GPC6: variants seen among roughly 807,000 people sequenced by gnomAD.
GPC6 encodes the protein glypican-6.
GPC6 carries 14 observed loss-of-function variants against 55.2 expected under a neutral mutation model. The observed-to-expected ratio is 0.25, with a 90% confidence interval of 0.17 to 0.40. The LOEUF (loss-of-function observed/expected upper bound fraction) is 0.40, where lower values mean the gene tolerates loss of function less well. GPC6 is among the 10% of genes least tolerant of loss of function. The pLI is 1.00. For synonymous variants in GPC6, 278 were observed against 259.6 expected (o/e 1.07, Z -0.68); for missense variants, 641 against 708.5 (o/e 0.90, Z 1.08).
At chr13:93,325,172 CATT>C (rs1377944348) in intron 1 of GPC6, among the ~76,000 whole-genome samples, 1 of 152,082 alleles carries the variant, frequency 6.6e-6, no homozygotes, top group African/African-American at 2.4e-5. Context: ...GGATTTGTAT[CATT>C]ATAATTTCTA....
chr13:93,481,639 A>ATT (rs71202585), intron 1 of GPC6, among the ~76,000 whole-genome samples: 38 of 150,184 alleles, frequency 2.5e-4, no homozygotes, highest in East Asian at 7.8e-4. Context: ...ATCCAGCTTC[A>ATT]TTTTTTTTTT....
chr13:93,439,469 A>G (rs1027736298), intron 1 of GPC6, among the ~76,000 whole-genome samples: 20 of 152,076 alleles, frequency 1.3e-4, no homozygotes, highest in African/African-American at 4.8e-4. Context: ...GCCACCATGT[A>G]AGACATTCCT....
At chr13:93,952,912 T>C (rs1199473160) in intron 3 of GPC6, among the ~76,000 whole-genome samples, 2 of 149,244 alleles carry the variant, frequency 1.3e-5, no homozygotes, top group African/African-American at 4.9e-5. Context: ...TATATATGTA[T>C]ATATATACAC....
At chr13:93,928,065 T>A (rs1027068431) in intron 3 of GPC6, among the ~76,000 whole-genome samples, 2 of 152,116 alleles carry the variant, frequency 1.3e-5, no homozygotes, top group African/African-American at 4.8e-5. Context: ...TGCACACTCT[T>A]ATACTTAAAA....
rs1887633880 is a variant in GPC6 at position 94,148,497 on chromosome 13, C to G, written c.877+120603C>G. Among the ~76,000 whole-genome samples, 11 of 152,090 alleles carry G rather than the reference C, an allele frequency of 7.2e-5. 1 individual carries two copies. In the South Asian group the frequency reaches 2.3e-3, roughly 32 times the overall value. Reference sequence around the variant, plus strand: ...AATAAGTTGATTCAGCTAATAGATTCAATGGAAATATAAGATATTATTTTG... The same window carrying G: ...AATAAGTTGATTCAGCTAATAGATTGAATGGAAATATAAGATATTATTTTG... On this transcript the variant is annotated intron_variant, in intron 4 of 8. Transcript: ENST00000377047.
chr13:94,387,402 G>A (rs1010939837), intron 7 of GPC6, among the ~76,000 whole-genome samples: 1 of 152,184 alleles, frequency 6.6e-6, no homozygotes, highest in Non-Finnish European at 1.5e-5. Context: ...TAAACAAAGT[G>A]GTTAAGGGAA....
At chr13:93,238,171 A>C (rs888503815) in intron 1 of GPC6, among the ~76,000 whole-genome samples, 2 of 152,198 alleles carry the variant, frequency 1.3e-5, no homozygotes, top group African/African-American at 4.8e-5. Context: ...GGTCATTTTC[A>C]CAGTATTGAT....
chr13:93,972,206 T>G (rs1240668587), intron 3 of GPC6, among the ~76,000 whole-genome samples: 1 of 152,200 alleles, frequency 6.6e-6, no homozygotes, highest in African/African-American at 2.4e-5. Context: ...CAAGATTTGT[T>G]TGCTATCCGC....
chr13:94,243,678 AG>A (rs1212460165), intron 4 of GPC6, among the ~76,000 whole-genome samples: 1 of 152,136 alleles, frequency 6.6e-6, no homozygotes, highest in Non-Finnish European at 1.5e-5. Context: ...AAATCAAAGC[AG>A]GCAGAAGAAT....
intron 2 of GPC6, among the ~76,000 whole-genome samples, chr13:93,717,189 C>T (rs887485881): frequency 6.6e-6 from 1 of 151,016 alleles, no homozygotes; most frequent in Non-Finnish European, 1.5e-5. Context: ...TGCTTAAGAC[C>T]AGAAAAAAAA....
chr13:94,018,543 G>A (rs923836062), intron 3 of GPC6, among the ~76,000 whole-genome samples: 9 of 152,020 alleles, frequency 5.9e-5, no homozygotes, highest in Admixed American at 4.6e-4. Context: ...CTGCTGCCTC[G>A]GCCTCCCAAA....
At chr13:93,439,279 C>T (rs1877687363) in intron 1 of GPC6, among the ~76,000 whole-genome samples, 1 of 152,094 alleles carries the variant, frequency 6.6e-6, no homozygotes. Flanking sequence ...AAATCTCATC[C>T]TGAATTGGAG....
intron 4 of GPC6, among the ~76,000 whole-genome samples, chr13:94,250,145 G>A (rs189088141): frequency 1.5e-4 from 23 of 152,274 alleles, no homozygotes; most frequent in South Asian, 1.2e-3. Flanking sequence ...AAGTCTTTGC[G>A]TATATAATTT....
rs542903361 is a variant in GPC6, at chr13:93,417,716, CAT to C, written c.161-127546_161-127545del. On this transcript the variant is annotated intron_variant, in intron 1 of 8. Transcript: ENST00000377047. ...TTTGAATTTACAAAACTGTTGTACACATGTTTTTAAATATATATCCAGTTAAG... is the reference window on the plus strand; with the variant it reads ...TTTGAATTTACAAAACTGTTGTACACGTTTTTAAATATATATCCAGTTAAG... Among the ~76,000 whole-genome samples, 521 of 152,094 alleles carry C rather than the reference CAT, an allele frequency of 3.4e-3. 6 individuals carry two copies. Among genetic ancestry groups the C allele is most frequent in the Non-Finnish European group, 5.3e-3 (359 of 67,970 alleles).
At chr13:93,351,262 A>G (rs1880619373) in intron 1 of GPC6, among the ~76,000 whole-genome samples, 1 of 152,186 alleles carries the variant, frequency 6.6e-6, no homozygotes, top group Non-Finnish European at 1.5e-5. Flanking sequence ...AACTAAGCTA[A>G]TATTATTATA....
chr13:93,287,853 GT>G (rs554278023), intron 1 of GPC6, among the ~76,000 whole-genome samples: 51 of 151,934 alleles, frequency 3.4e-4, no homozygotes, highest in African/African-American at 1.0e-3. Flanking sequence ...AGGAAATTAT[GT>G]TTTTTTTAAA....
chr13:94,137,138 A>C (rs1444551354), intron 4 of GPC6, among the ~76,000 whole-genome samples: 1 of 152,188 alleles, frequency 6.6e-6, no homozygotes, highest in Admixed American at 6.5e-5. Context: ...GAGTTAGAGA[A>C]ATTTGATTTT....
chr13:94,181,427 G>A (rs1056293618), intron 4 of GPC6, among the ~76,000 whole-genome samples: 9 of 152,156 alleles, frequency 5.9e-5, no homozygotes, highest in East Asian at 3.9e-4. Flanking sequence ...TGGTTCCCCC[G>A]ATATAGTTGG....
chr13:93,873,784 C>T (rs535129189), intron 3 of GPC6, among the ~76,000 whole-genome samples: 2 of 152,074 alleles, frequency 1.3e-5, no homozygotes, highest in South Asian at 4.1e-4. Context: ...GTTCCTACCT[C>T]AATCATCCCT....
Sources: gnomAD v4.1 joint callset for allele counts (sites outside exome capture counted in the v4.1 genomes callset) on GRCh38, gnomAD v4.1.1 for gene constraint, MANE v1.5 for transcripts, NCBI Gene and HGNC (gene_info 2026-07-23, HGNC 2026-07-21) for gene names.